Variants in GRIK1 observed in about 807,000 individuals in gnomAD.
GRIK1 encodes the protein glutamate ionotropic receptor kainate type subunit 1.
Under a neutral mutation model 105.7 loss-of-function variants are expected in GRIK1, and 69 were observed. The observed-to-expected ratio is 0.65, with a 90% CI of 0.54 to 0.80. GRIK1 has a LOEUF of 0.80. Ranked by LOEUF, GRIK1 falls within the 30% of genes least tolerant of loss-of-function variation. GRIK1 has a pLI of 0.00. For missense variants in GRIK1, 1,109 were observed against 1,167.3 expected (o/e 0.95, Z 0.73); for synonymous variants, 438 against 431.3 (o/e 1.02, Z -0.19).
At chr21:29,554,741 T>C (rs1370420069) in intron 16 of GRIK1, among the ~76,000 whole-genome samples, 2 of 152,226 alleles carry the variant, frequency 1.3e-5, no homozygotes, top group African/African-American at 2.4e-5. Context: ...CCTTTTTCCA[T>C]CTAGGGTTTC....
At position 29,654,647 on chromosome 21, in the gene GRIK1, A is replaced by G. The variant is rs57180758; in HGVS notation, c.780+163T>C. 9.4e-5 allele frequency among the ~76,000 whole-genome samples: 14 copies of G among 148,856 alleles called. No individual in the cohort carries two copies. The East Asian group carries it at 9.7e-4, about 10-fold the overall frequency. On this transcript the variant is annotated intron_variant, in intron 5 of 17. Transcript: ENST00000327783. ...AAAGAAAGAGAAAGAAAGAAAGAAA[A>G]AAAGCCTGCTGCTCAGCATTGCTGG...
At chr21:29,827,005 G>A (rs893369531) in intron 1 of GRIK1, among the ~76,000 whole-genome samples, 3 of 152,078 alleles carry the variant, frequency 2.0e-5, no homozygotes, top group African/African-American at 4.8e-5. Context: ...AGTAGTCTTT[G>A]TGCAAAAGCA....
intron 1 of GRIK1, among the ~76,000 whole-genome samples, chr21:29,933,883 T>C (rs2071656327): frequency 6.6e-6 from 1 of 152,166 alleles, no homozygotes; most frequent in Non-Finnish European, 1.5e-5. Context: ...TGGAAAATTT[T>C]AGAACATAAA....
chr21:29,705,058 A>G (rs1221092817), intron 1 of GRIK1, among the ~76,000 whole-genome samples: 1 of 152,230 alleles, frequency 6.6e-6, no homozygotes, highest in African/African-American at 2.4e-5. Context: ...ATGGAATAAG[A>G]CAAGTTCACA....
chr21:29,632,267 C>A (rs925579318), intron 7 of GRIK1, among the ~76,000 whole-genome samples: 1 of 152,000 alleles, frequency 6.6e-6, no homozygotes, highest in African/African-American at 2.4e-5. Context: ...ATTTCCCTGA[C>A]TAGAGTATAA....
intron 3 of GRIK1, among the ~76,000 whole-genome samples, chr21:29,682,908 T>C (rs551105338): frequency 6.6e-6 from 1 of 151,836 alleles, no homozygotes; most frequent in Non-Finnish European, 1.5e-5. Context: ...ATATTCAGAA[T>C]CTATAAAGAA....
In GRIK1 at chr21:29,659,045, C is replaced by T. The variant is rs116915534; in HGVS notation, c.727-4182G>A. On this transcript the variant is annotated intron_variant, in intron 4 of 17. Coordinates refer to ENST00000327783, the MANE Select transcript of GRIK1 (RefSeq NM_001330994.2). Reference sequence around the variant, plus strand: ...GTCAAAATTACGGGTCTTCCATTGGCAATTAGTCAGGAGCACAGGGCATAC... The same window carrying T: ...GTCAAAATTACGGGTCTTCCATTGGTAATTAGTCAGGAGCACAGGGCATAC... Among the ~76,000 whole-genome samples the T allele has an allele frequency of 4.2e-4, 64 of 152,270 alleles. No homozygotes were observed. The East Asian group carries it at 0.012, about 28-fold the overall frequency.
chr21:29,771,632 T>A (rs2065816220), intron 1 of GRIK1, among the ~76,000 whole-genome samples: 1 of 152,174 alleles, frequency 6.6e-6, no homozygotes, highest in South Asian at 2.1e-4. Flanking sequence ...ACGCTTGATG[T>A]CACGCTGATG....
At chr21:29,783,450 T>C (rs2066178237) in intron 1 of GRIK1, among the ~76,000 whole-genome samples, 1 of 152,192 alleles carries the variant, frequency 6.6e-6, no homozygotes, top group Admixed American at 6.5e-5. Context: ...TTTGATGTAA[T>C]CGACAGGTTA....
intron 1 of GRIK1, among the ~76,000 whole-genome samples, chr21:29,754,830 G>A (rs1429954079): frequency 6.6e-6 from 1 of 152,204 alleles, no homozygotes; most frequent in African/African-American, 2.4e-5. Context: ...CCTGTGGACT[G>A]CAGCATCAGC....
rs544061903 is a variant in GRIK1 at position 29,828,373 on chromosome 21, T to C, written c.118+111010A>G. Among the ~76,000 whole-genome samples, 9 of 151,964 alleles carry C rather than the reference T, an allele frequency of 5.9e-5. No individual in the cohort carries two copies. In the South Asian group the frequency reaches 1.9e-3, roughly 32 times the overall value. Reference sequence around the variant, plus strand: ...GATAAGCCTATGTTTTAAGTAGATTTACATGTTGCTAAATGAAATTTAATA... The same window carrying C: ...GATAAGCCTATGTTTTAAGTAGATTCACATGTTGCTAAATGAAATTTAATA... On this transcript the variant is annotated intron_variant, in intron 1 of 17. Coordinates refer to ENST00000327783, the MANE Select transcript of GRIK1 (RefSeq NM_001330994.2).
intron 4 of GRIK1, among the ~76,000 whole-genome samples, chr21:29,672,453 A>G (rs1050298355): frequency 1.3e-5 from 2 of 152,158 alleles, no homozygotes; most frequent in African/African-American, 4.8e-5. Context: ...TTCTATCCAC[A>G]TTATCTGTGG....
intron 9 of GRIK1, chr21:29,596,022 C>A: frequency 8.0e-6 from 2 of 249,914 alleles, no homozygotes; most frequent in South Asian, 5.2e-5. Flanking sequence ...TCACACAAAA[C>A]AAAAGATAGC....
At chr21:29,643,860 T>C (rs1369968779) in intron 6 of GRIK1, among the ~76,000 whole-genome samples, 1 of 152,182 alleles carries the variant, frequency 6.6e-6, no homozygotes, top group Non-Finnish European at 1.5e-5. Flanking sequence ...CTATTTATTA[T>C]GTGAGAAAAC....
chr21:29,823,710 C>T (rs533559071), intron 1 of GRIK1, among the ~76,000 whole-genome samples: 1 of 151,876 alleles, frequency 6.6e-6, no homozygotes, highest in Non-Finnish European at 1.5e-5. Context: ...TCTGAAGGTG[C>T]AAGATATCTT....
At position 29,581,545 on chromosome 21, in the gene GRIK1, TGTG is replaced by T; in HGVS notation, c.1794-5_1794-3del. ...TTATACCACTCGTAGGGTGTAAACCTGTGGTAGTTAACAGAAACAGTCTGTAAA... is the reference window on the plus strand; with the variant it reads ...TTATACCACTCGTAGGGTGTAAACCTGTAGTTAACAGAAACAGTCTGTAAA... On this transcript the variant is annotated splice_polypyrimidine_tract_variant and splice_region_variant and intron_variant, in intron 12 of 17. Transcript: ENST00000327783. The T allele has an allele frequency of 6.5e-7, 1 of 1,536,576 alleles. No individual in the cohort carries two copies. The highest frequency in any genetic ancestry group is 9.0e-7 in the Non-Finnish European group (1 of 1,110,398).
At chr21:29,784,146 T>C (rs2066198184) in intron 1 of GRIK1, among the ~76,000 whole-genome samples, 1 of 152,180 alleles carries the variant, frequency 6.6e-6, no homozygotes, top group African/African-American at 2.4e-5. Context: ...AGCTTAACAG[T>C]AAATCACACT....
At chr21:29,840,767 T>C (rs911472495) in intron 1 of GRIK1, among the ~76,000 whole-genome samples, 9 of 152,082 alleles carry the variant, frequency 5.9e-5, no homozygotes, top group South Asian at 2.1e-4. Flanking sequence ...TCAACATAAC[T>C]CTCAATGCAG....
At chr21:29,850,132 C>T (rs2068259258) in intron 1 of GRIK1, among the ~76,000 whole-genome samples, 1 of 152,160 alleles carries the variant, frequency 6.6e-6, no homozygotes, top group South Asian at 2.1e-4. Context: ...TGATATCTTC[C>T]TTACTGCATT....
Sources: gnomAD v4.1 joint callset for allele counts (sites outside exome capture counted in the v4.1 genomes callset) on GRCh38, gnomAD v4.1.1 for gene constraint, MANE v1.5 for transcripts, NCBI Gene and HGNC (gene_info 2026-07-23, HGNC 2026-07-21) for gene names.